RHEB: variants seen among roughly 807,000 people sequenced by gnomAD.
RHEB encodes the protein Ras homolog, mTORC1 binding, also known as GTP-binding protein Rheb.
Under a neutral mutation model 28.8 loss-of-function variants are expected in RHEB, and 2 were observed. That is an observed-to-expected ratio of 0.07 (90% CI 0.03 to 0.22). The LOEUF (loss-of-function observed/expected upper bound fraction) is 0.22, where lower values mean the gene tolerates loss of function less well. Among genes scored for constraint, RHEB ranks in the 10% least tolerant of loss-of-function variants. The pLI is 1.00. For synonymous variants in RHEB, 69 were observed against 77.3 expected, an observed-to-expected ratio of 0.89 and a Z score of 0.56; for missense variants, 76 against 219.9, an observed-to-expected ratio of 0.35 and a Z score of 4.14.
chr7:151,517,366 C>A, intron 1 of RHEB, among the ~76,000 whole-genome samples: 1 of 110,136 alleles, frequency 9.1e-6, no homozygotes, highest in East Asian at 2.6e-4. Context: ...GAAACTCCGT[C>A]TCGGAAAAAA....
chr7:151,502,816 A>C, intron 1 of RHEB: 1 of 1,275,304 alleles, frequency 7.8e-7, no homozygotes. Flanking sequence ...CTGGGGACAA[A>C]GTGAATGTGG....
intron 2 of RHEB, among the ~76,000 whole-genome samples, chr7:151,486,307 ATCATTCAT>A (rs377256723): frequency 1.5e-3 from 236 of 152,274 alleles, no homozygotes; most frequent in African/African-American, 5.1e-3. Context: ...GAAAGGAAAC[ATCATTCAT>A]TCATTCATTC....
chr7:151,496,500 T>C (rs1479037980), intron 1 of RHEB, among the ~76,000 whole-genome samples: 2 of 152,126 alleles, frequency 1.3e-5, no homozygotes, highest in African/African-American at 4.8e-5. Context: ...AATCCCAGCA[T>C]GGACTGCAAA....
intron 2 of RHEB, 119 bp from the exon 3 acceptor site, chr7:151,484,923 A>C: frequency 1.6e-6 from 1 of 628,144 alleles, no homozygotes; most frequent in South Asian, 1.9e-5. Flanking sequence ...GAAAGGCCCC[A>C]TGAAACAAAA....
At chr7:151,493,087 C>T (rs553242191) in intron 1 of RHEB, among the ~76,000 whole-genome samples, 53 of 152,020 alleles carry the variant, frequency 3.5e-4, no homozygotes, top group Non-Finnish European at 6.8e-4. Context: ...ATGATCCACC[C>T]GCCTCGGCCT....
At chr7:151,494,941 C>T (rs1166398140) in intron 1 of RHEB, among the ~76,000 whole-genome samples, 3 of 152,126 alleles carry the variant, frequency 2.0e-5, no homozygotes, top group African/African-American at 7.2e-5. Flanking sequence ...TAAACCCCAC[C>T]GCTCATTTTC....
At chr7:151,488,227 T>G (rs1272142110) in intron 2 of RHEB, among the ~76,000 whole-genome samples, 2 of 152,224 alleles carry the variant, frequency 1.3e-5, no homozygotes, top group African/African-American at 2.4e-5. Flanking sequence ...GTAGTACTTC[T>G]GCTTTAAAAT....
chr7:151,516,120 T>C (rs1004686517), intron 1 of RHEB, among the ~76,000 whole-genome samples: 2 of 152,170 alleles, frequency 1.3e-5, no homozygotes, highest in African/African-American at 4.8e-5. Flanking sequence ...CTGGTACTTT[T>C]GGCCATCACG....
In RHEB at chr7:151,509,097, G is replaced by A. The variant is rs1000817564; in HGVS notation, c.52+10363C>T. 2.8e-4 allele frequency among the ~76,000 whole-genome samples: 42 copies of A among 152,236 alleles called. 1 individual carries two copies. Among genetic ancestry groups the A allele is most frequent in the African/African-American group, 9.2e-4 (38 of 41,468 alleles). ...ACTCCCCCTCCCAGCAAGCAGGAATGACAAACATCCTTGTAGTAAGACACT... is the reference window on the plus strand; with the variant it reads ...ACTCCCCCTCCCAGCAAGCAGGAATAACAAACATCCTTGTAGTAAGACACT... On this transcript the variant is annotated intron_variant, in intron 1 of 7. Transcript: ENST00000262187.
intron 1 of RHEB, among the ~76,000 whole-genome samples, chr7:151,511,622 A>G (rs2150939005): frequency 6.6e-6 from 1 of 152,238 alleles, no homozygotes; most frequent in Middle Eastern, 3.4e-3. Flanking sequence ...AGAAAATTAA[A>G]ATACTAAAAT....
intron 1 of RHEB, chr7:151,503,398 C>T (rs534245748): frequency 1.2e-5 from 14 of 1,138,956 alleles, no homozygotes; most frequent in African/African-American, 7.6e-5. Context: ...CCTGCAGTAC[C>T]GAGTAGATTT....
rs181740025 is a variant in RHEB, at chr7:151,469,764, T to C, written c.462+807A>G. On this transcript the variant is annotated intron_variant, in intron 7 of 7. Coordinates refer to ENST00000262187, the MANE Select transcript of RHEB (RefSeq NM_005614.4). The stretch of plus-strand genomic sequence containing the variant: ...GTGTTTAAGGAAGGGAGCAGTTTGA[T>C]GTGATGGAAAGTACAAGAACGTGGT... 2.6e-5 allele frequency among the ~76,000 whole-genome samples: 4 copies of C among 152,230 alleles called. No homozygotes were observed. The East Asian group carries it at 7.7e-4, about 29-fold the overall frequency.
intron 1 of RHEB, among the ~76,000 whole-genome samples, chr7:151,515,780 C>G (rs1803066400): frequency 6.6e-6 from 1 of 152,150 alleles, no homozygotes; most frequent in African/African-American, 2.4e-5. Context: ...TAAATACTAC[C>G]TAAACATTTT....
At chr7:151,487,946 G>C (rs1802511820) in intron 2 of RHEB, among the ~76,000 whole-genome samples, 1 of 152,208 alleles carries the variant, frequency 6.6e-6, no homozygotes, top group Admixed American at 6.5e-5. Flanking sequence ...AAAGTGTGGT[G>C]AGGGCTCTTC....
chr7:151,497,433 C>A (rs1177034464), intron 1 of RHEB, among the ~76,000 whole-genome samples: 6 of 152,208 alleles, frequency 3.9e-5, no homozygotes, highest in Non-Finnish European at 1.5e-5. Context: ...CCACTGCCCT[C>A]AGGCAGCAAG....
intron 2 of RHEB, among the ~76,000 whole-genome samples, chr7:151,488,998 T>C (rs1334878582): frequency 6.6e-6 from 1 of 152,132 alleles, no homozygotes; most frequent in African/African-American, 2.4e-5. Flanking sequence ...TGGAGTACAG[T>C]GACATGATTA....
In RHEB at chr7:151,474,137, T is replaced by A. The variant is rs80055801; in HGVS notation, c.276-2532A>T. ...TGCTTTAAAACAAAACACTGGAGAT[T>A]GACATCACCTTTCCGATTTTTTTTC... On this transcript the variant is annotated intron_variant, in intron 4 of 7. Coordinates refer to ENST00000262187, the MANE Select transcript of RHEB (RefSeq NM_005614.4). 1.7e-3 allele frequency among the ~76,000 whole-genome samples: 252 copies of A among 152,158 alleles called. 1 individual carries two copies. Among genetic ancestry groups the A allele is most frequent in the African/African-American group, 5.7e-3 (236 of 41,518 alleles).
Position 151,495,906 on chromosome 7 carries a change from C to T in RHEB, c.53-4892G>A, listed in dbSNP as rs574391504. The stretch of plus-strand genomic sequence containing the variant: ...GGTTGAGGCTGCAGTGTGCGTTGAG[C>T]GTGCCACTGCACTCCAGCCACGGTC... On this transcript the variant is annotated intron_variant, in intron 1 of 7. Coordinates refer to ENST00000262187, the MANE Select transcript of RHEB (RefSeq NM_005614.4). Among the ~76,000 whole-genome samples the T allele has an allele frequency of 5.3e-5, 8 of 152,332 alleles. No individual in the cohort carries two copies. The East Asian group carries it at 1.2e-3, about 22-fold the overall frequency.
chr7:151,482,185 C>T (rs1584852956), intron 3 of RHEB, among the ~76,000 whole-genome samples: 1 of 152,236 alleles, frequency 6.6e-6, no homozygotes, highest in Non-Finnish European at 1.5e-5. Context: ...ATGTGACAAT[C>T]CTGCAACAAT....
Sources: allele counts gnomAD v4.1 joint callset (sites outside exome capture counted in the v4.1 genomes callset), GRCh38; gene constraint gnomAD v4.1.1; transcripts MANE v1.5; gene names NCBI Gene and HGNC (gene_info 2026-07-23, HGNC 2026-07-21).